The following DLG2 variants were observed in gnomAD, a reference collection of about 807,000 sequenced individuals.
DLG2 encodes the protein discs large MAGUK scaffold protein 2.
DLG2 carries 45 observed loss-of-function variants against 132.5 expected under a neutral mutation model. The ratio of observed to expected loss-of-function variants is 0.34; its 90% CI spans 0.27 to 0.44. DLG2 has a LOEUF of 0.44. DLG2 is among the 20% of genes least tolerant of loss of function. DLG2 has a pLI of 1.00. For missense variants in DLG2, 1,045 were observed against 1,196.9 expected (o/e 0.87, Z 1.87); for synonymous variants, 424 against 419.6 (o/e 1.01, Z -0.13).
At chr11:84,324,519 G>T (rs2098421164) in intron 7 of DLG2, among the ~76,000 whole-genome samples, 1 of 151,790 alleles carries the variant, frequency 6.6e-6, no homozygotes, top group African/African-American at 2.4e-5. Flanking sequence ...TGATTGTTTT[G>T]GCTATTTGGG....
chr11:84,221,214 C>T (rs1424046144), intron 8 of DLG2, among the ~76,000 whole-genome samples: 2 of 151,846 alleles, frequency 1.3e-5, no homozygotes, highest in Non-Finnish European at 2.9e-5. Flanking sequence ...GCCTGTAATC[C>T]CAGCACTTTG....
At chr11:85,621,204 G>C (rs1384952304) in intron 2 of DLG2, among the ~76,000 whole-genome samples, 2 of 144,840 alleles carry the variant, frequency 1.4e-5, no homozygotes, top group African/African-American at 5.2e-5. Flanking sequence ...TCACTGTTGA[G>C]AACTACTACT....
chr11:85,464,619 A>T (rs1028580756), intron 3 of DLG2, among the ~76,000 whole-genome samples: 19 of 152,164 alleles, frequency 1.2e-4, no homozygotes, highest in Admixed American at 1.2e-3. Context: ...GAATAGTCAC[A>T]AATCTTGTGA....
intron 11 of DLG2, among the ~76,000 whole-genome samples, chr11:84,041,860 G>C (rs1337858798): frequency 6.6e-6 from 1 of 151,808 alleles, no homozygotes; most frequent in African/African-American, 2.4e-5. Flanking sequence ...TTGAATTATG[G>C]GGATGGGTCT....
chr11:84,200,073 G>T (rs2096572050), intron 8 of DLG2, among the ~76,000 whole-genome samples: 2 of 151,788 alleles, frequency 1.3e-5, no homozygotes, highest in Admixed American at 1.3e-4. Context: ...ACATACAAAG[G>T]TACTATTATA....
chr11:85,198,773 T>C (rs1332976613), intron 4 of DLG2, among the ~76,000 whole-genome samples: 1 of 152,194 alleles, frequency 6.6e-6, no homozygotes, highest in East Asian at 1.9e-4. Flanking sequence ...ATAACTATTC[T>C]TCTCTTACAA....
chr11:84,077,732 C>T (rs952538114), intron 10 of DLG2, among the ~76,000 whole-genome samples: 7 of 152,260 alleles, frequency 4.6e-5, no homozygotes, highest in South Asian at 2.1e-4. Context: ...TTGAAGTCCA[C>T]GCTCACAATT....
intron 6 of DLG2, among the ~76,000 whole-genome samples, chr11:84,985,990 T>TG (rs1718512288): frequency 1.3e-4 from 1 of 7,832 alleles, no homozygotes; most frequent in Non-Finnish European, 2.4e-4. Context: ...AGACTCCGTC[T>TG]CAAAAAAAAA....
At chr11:85,207,334 A>G (rs2081963945) in intron 4 of DLG2, among the ~76,000 whole-genome samples, 1 of 152,196 alleles carries the variant, frequency 6.6e-6, no homozygotes, top group Admixed American at 6.5e-5. Context: ...CCTTCCAGGT[A>G]TTTGCCAACC....
Position 85,222,564 on chromosome 11 carries a change from AT to A in DLG2, c.186+62655del, listed in dbSNP as rs2074716280. ...TTCAGAACAGCCCTCATATGATAGT[AT>A]TTTAGATAAGGAAAGTGAGTCCCCA... On this transcript the variant is annotated intron_variant, in intron 4 of 27. Coordinates refer to ENST00000376104, the MANE Select transcript of DLG2 (RefSeq NM_001142699.3). 2.0e-5 allele frequency among the ~76,000 whole-genome samples: 3 copies of A among 152,116 alleles called. No individual in the cohort carries two copies. The South Asian group carries it at 6.2e-4, about 32-fold the overall frequency.
At chr11:83,705,287 A>C (rs914282995) in intron 18 of DLG2, among the ~76,000 whole-genome samples, 2 of 152,198 alleles carry the variant, frequency 1.3e-5, no homozygotes, top group Non-Finnish European at 2.9e-5. Context: ...CTAAAAATCA[A>C]CTTATTTGTT....
chr11:85,487,011 G>T (rs1332054879), intron 3 of DLG2, among the ~76,000 whole-genome samples: 3 of 149,680 alleles, frequency 2.0e-5, no homozygotes, highest in Non-Finnish European at 4.4e-5. Flanking sequence ...CCACCGAGAA[G>T]TTCAAGATAC....
chr11:84,923,670 T>C, intron 6 of DLG2: 1 of 812,302 alleles, frequency 1.2e-6, no homozygotes, highest in Non-Finnish European at 1.5e-6. Flanking sequence ...AGCACCCTGT[T>C]TGGCAAATAC....
At chr11:83,784,756 A>C (rs1298429780) in intron 18 of DLG2, among the ~76,000 whole-genome samples, 1 of 152,216 alleles carries the variant, frequency 6.6e-6, no homozygotes, top group Non-Finnish European at 1.5e-5. Flanking sequence ...GCTTGAAGTC[A>C]TTCTGTTCAA....
intron 6 of DLG2, among the ~76,000 whole-genome samples, chr11:84,610,343 AT>A (rs2099593201): frequency 6.6e-6 from 1 of 152,076 alleles, no homozygotes; most frequent in Admixed American, 6.6e-5. Context: ...TTTTTTAAAA[AT>A]TTTTTGCAAG....
chr11:83,475,713 C>G (rs2092547594), intron 22 of DLG2, among the ~76,000 whole-genome samples: 1 of 134,348 alleles, frequency 7.4e-6, no homozygotes, highest in African/African-American at 2.7e-5. Flanking sequence ...TTTCTCTCTT[C>G]TTTTTTTCTT....
chr11:84,568,510 A>C (rs1361802831), intron 6 of DLG2, among the ~76,000 whole-genome samples: 1 of 152,124 alleles, frequency 6.6e-6, no homozygotes, highest in Non-Finnish European at 1.5e-5. Context: ...CCATCTCAAA[A>C]TAAATAAATA....
chr11:84,074,680 C>T (rs556635111), intron 10 of DLG2, among the ~76,000 whole-genome samples: 12 of 152,072 alleles, frequency 7.9e-5, no homozygotes, highest in East Asian at 5.8e-4. Context: ...AGGCGCCGGC[C>T]ACCACGCCCG....
chr11:84,721,935 A>T (rs1202431152), intron 6 of DLG2, among the ~76,000 whole-genome samples: 1 of 152,208 alleles, frequency 6.6e-6, no homozygotes, highest in Non-Finnish European at 1.5e-5. Context: ...TAACTTACAT[A>T]GCTTATTTCA....
Sources: gnomAD v4.1 joint callset for allele counts (sites outside exome capture counted in the v4.1 genomes callset) on GRCh38, gnomAD v4.1.1 for gene constraint, MANE v1.5 for transcripts, NCBI Gene and HGNC (gene_info 2026-07-23, HGNC 2026-07-21) for gene names.